SAMTOR: variants seen among roughly 807,000 people sequenced by gnomAD.
SAMTOR encodes the protein S-adenosylmethionine sensor upstream of mTORC1, also known as UPF0532 protein C7orf60.
the SAMTOR span, among the ~76,000 whole-genome samples, chr7:112,886,305 C>T: frequency 1.3e-5 from 2 of 152,148 alleles, no homozygotes; most frequent in Non-Finnish European, 2.9e-5. Context: ...AATGAAAATA[C>T]TTAATGCTAG....
the SAMTOR span, among the ~76,000 whole-genome samples, chr7:112,892,351 T>C: frequency 3.9e-5 from 6 of 152,270 alleles, no homozygotes; most frequent in Admixed American, 3.3e-4. Flanking sequence ...CTCCCATGAA[T>C]CACAAATGTT....
At chr7:112,877,514 T>C in the SAMTOR span, among the ~76,000 whole-genome samples, 4 of 152,216 alleles carry the variant, frequency 2.6e-5, no homozygotes, top group Non-Finnish European at 4.4e-5. Flanking sequence ...ATAGCAATGA[T>C]AAAACCATCA....
the SAMTOR span, among the ~76,000 whole-genome samples, chr7:112,857,570 A>C: frequency 6.6e-6 from 1 of 152,228 alleles, no homozygotes; most frequent in Non-Finnish European, 1.5e-5. Flanking sequence ...AAAAACTATA[A>C]AATTTACATA....
chr7:112,860,532 A>C, the SAMTOR span, among the ~76,000 whole-genome samples: 1 of 152,166 alleles, frequency 6.6e-6, no homozygotes, highest in African/African-American at 2.4e-5. Flanking sequence ...GACTTAATTA[A>C]ACTAAGTCTC....
At chr7:112,859,192 AT>A in the SAMTOR span, among the ~76,000 whole-genome samples, 3 of 152,194 alleles carry the variant, frequency 2.0e-5, no homozygotes, top group Non-Finnish European at 4.4e-5. Flanking sequence ...AGCCCCCACG[AT>A]TCATGTGCAT....
chr7:112,938,864 G>C, the SAMTOR span, among the ~76,000 whole-genome samples: 8 of 152,212 alleles, frequency 5.3e-5, no homozygotes, highest in African/African-American at 1.7e-4. Context: ...CATGGAAGCC[G>C]AGGGTGGGCT....
chr7:112,841,091 G>A, the SAMTOR span, among the ~76,000 whole-genome samples: 90 of 152,042 alleles, frequency 5.9e-4, no homozygotes, highest in African/African-American at 1.6e-3. Flanking sequence ...AAGGCAATCC[G>A]GCAAGAGAAA....
At chr7:112,890,925 A>G in the SAMTOR span, among the ~76,000 whole-genome samples, 1 of 152,112 alleles carries the variant, frequency 6.6e-6, no homozygotes, top group Non-Finnish European at 1.5e-5. Context: ...CCTGGACTCA[A>G]GCAATCCACC....
At chr7:112,852,877 A>G in the SAMTOR span, among the ~76,000 whole-genome samples, 3 of 152,202 alleles carry the variant, frequency 2.0e-5, no homozygotes, top group African/African-American at 7.2e-5. Context: ...AATGATAATG[A>G]ACCAGAGTTT....
chr7:112,902,422 AAAAAAACAAAAAAAAAC>A, the SAMTOR span, among the ~76,000 whole-genome samples: 3 of 105,138 alleles, frequency 2.9e-5, no homozygotes, highest in African/African-American at 4.1e-5. Context: ...GTCTCAAAAA[AAAAAAACAAAAAAAAAC>A]AAAAAAAAAC....
At chr7:112,853,155 C>T in the SAMTOR span, among the ~76,000 whole-genome samples, 9 of 152,180 alleles carry the variant, frequency 5.9e-5, no homozygotes, top group African/African-American at 1.9e-4. Flanking sequence ...ATTTTCACTT[C>T]TGATTCTTTA....
chr7:112,869,157 A>G, the SAMTOR span, among the ~76,000 whole-genome samples: 1 of 152,174 alleles, frequency 6.6e-6, no homozygotes, highest in Non-Finnish European at 1.5e-5. Flanking sequence ...GAATTCGGAG[A>G]GTGGGGGTAA....
chr7:112,881,247 G>C, the SAMTOR span, among the ~76,000 whole-genome samples: 1 of 152,194 alleles, frequency 6.6e-6, no homozygotes, highest in Admixed American at 6.5e-5. Context: ...ATAGGAGGGA[G>C]GCCAAGGGCA....
the SAMTOR span, among the ~76,000 whole-genome samples, chr7:112,890,363 C>T: frequency 6.7e-6 from 1 of 150,050 alleles, no homozygotes; most frequent in Non-Finnish European, 1.5e-5. Flanking sequence ...AAAATAACAA[C>T]CCCCCCCACC....
At chr7:112,850,412 C>T in the SAMTOR span, among the ~76,000 whole-genome samples, 1 of 152,076 alleles carries the variant, frequency 6.6e-6, no homozygotes, top group Non-Finnish European at 1.5e-5. Context: ...ATATTGGCTT[C>T]ACAGAAATTA....
chr7:112,885,358 C>T, the SAMTOR span, among the ~76,000 whole-genome samples: 8 of 152,288 alleles, frequency 5.3e-5, no homozygotes, highest in East Asian at 3.9e-4. Context: ...CCCCAGAAAA[C>T]GGGTTTTTCT....
chr7:112,904,843 C>A, the SAMTOR span, among the ~76,000 whole-genome samples: 1 of 152,124 alleles, frequency 6.6e-6, no homozygotes, highest in Non-Finnish European at 1.5e-5. Flanking sequence ...AACCAGATAA[C>A]CCCTGTATTA....
chr7:112,847,192 TA>T, the SAMTOR span, among the ~76,000 whole-genome samples: 1 of 152,356 alleles, frequency 6.6e-6, no homozygotes, highest in East Asian at 1.9e-4. Flanking sequence ...ATTTGCAAGT[TA>T]AATGGCAAAG....
chr7:112,891,085 T>C, the SAMTOR span, among the ~76,000 whole-genome samples: 1 of 151,430 alleles, frequency 6.6e-6, no homozygotes, highest in African/African-American at 2.4e-5. Context: ...CTCAACAATA[T>C]AACAGAGCTA....
Sources: allele counts gnomAD v4.1 joint callset (sites outside exome capture counted in the v4.1 genomes callset), GRCh38; gene constraint gnomAD v4.1.1; transcripts MANE v1.5; gene names NCBI Gene and HGNC (gene_info 2026-07-23, HGNC 2026-07-21).